Variants in FALEC observed in about 807,000 individuals in gnomAD.
FALEC encodes focally amplified lncRNA regulator of ECM1, also known as focally amplified lncRNA on chromosome 1.
At chr1:150,524,951 C>T in the FALEC span, among the ~76,000 whole-genome samples, 1 of 145,854 alleles carries the variant, frequency 6.9e-6, no homozygotes, top group Admixed American at 7.0e-5. Context: ...GCCATGATCA[C>T]ACCACTGCAC....
chr1:150,519,448 C>T (rs187134362), downstream of FALEC, among the ~76,000 whole-genome samples: 9 of 152,222 alleles, frequency 5.9e-5, no homozygotes, highest in East Asian at 1.9e-4. Context: ...AATGTAAGGG[C>T]GGTGGCTCAT....
the FALEC span, among the ~76,000 whole-genome samples, chr1:150,527,232 C>T: frequency 1.8e-4 from 27 of 151,704 alleles, no homozygotes; most frequent in South Asian, 2.7e-3. Flanking sequence ...TGAGCCACCA[C>T]GCCTGGCCTA....
chr1:150,522,927 ATATATATGTGTG>A (rs1454679033), downstream of FALEC, among the ~76,000 whole-genome samples: 1 of 14,714 alleles, frequency 6.8e-5, no homozygotes, highest in Non-Finnish European at 1.1e-4. Flanking sequence ...ATATATATAC[ATATATATGTGTG>A]TGTGTGTGTG....
At chr1:150,522,953 A>G (rs1284321277), downstream of FALEC, among the ~76,000 whole-genome samples, 2,682 of 21,622 alleles carry the variant, frequency 0.12, 296 homozygotes, top group Non-Finnish European at 0.18. Context: ...GTGTGTGTAT[A>G]TATATATATA....
At chr1:150,520,948 C>A (rs1355361754), downstream of FALEC, among the ~76,000 whole-genome samples, 3 of 151,848 alleles carry the variant, frequency 2.0e-5, no homozygotes, top group East Asian at 5.8e-4. Context: ...ATTACAGGCG[C>A]CTGCCAATAC....
At chr1:150,529,629 G>T in the FALEC span, among the ~76,000 whole-genome samples, 1 of 150,302 alleles carries the variant, frequency 6.7e-6, no homozygotes, top group Non-Finnish European at 1.5e-5. Context: ...GTGGAGTCTC[G>T]CTCTGTCACC....
chr1:150,529,016 C>CAAAAAAAAAAAA, the FALEC span, among the ~76,000 whole-genome samples: 318 of 59,184 alleles, frequency 5.4e-3, 9 homozygotes, highest in African/African-American at 7.8e-3. Flanking sequence ...AAATAAATAG[C>CAAAAAAAAAAAA]AAAAAAAAAA....
chr1:150,519,360 A>C (rs181277580), downstream of FALEC, among the ~76,000 whole-genome samples: 43 of 152,332 alleles, frequency 2.8e-4, no homozygotes, highest in Non-Finnish European at 4.3e-4. Flanking sequence ...GCATACCATT[A>C]ATTCACCCAT....
downstream of FALEC, among the ~76,000 whole-genome samples, chr1:150,518,226 C>T (rs375179353): frequency 6.6e-6 from 1 of 152,132 alleles, no homozygotes; most frequent in Non-Finnish European, 1.5e-5. Flanking sequence ...CCTCTTTACC[C>T]TCCAACTATT....
downstream of FALEC, among the ~76,000 whole-genome samples, chr1:150,523,001 T>TC (rs1670676710): frequency 9.3e-6 from 1 of 108,028 alleles, no homozygotes; most frequent in African/African-American, 3.7e-5. Context: ...TTTTTTTTTT[T>TC]GAGACAGAGT....
chr1:150,523,343 C>A, the FALEC span, among the ~76,000 whole-genome samples: 2 of 150,662 alleles, frequency 1.3e-5, no homozygotes, highest in African/African-American at 4.9e-5. Flanking sequence ...TTTAATGTTA[C>A]TAAAATTTTT....
the FALEC span, among the ~76,000 whole-genome samples, chr1:150,525,299 C>A: frequency 1.3e-5 from 2 of 151,878 alleles, no homozygotes; most frequent in East Asian, 3.9e-4. Context: ...AAACAAAAAA[C>A]AAAAAAACCC....
downstream of FALEC, among the ~76,000 whole-genome samples, chr1:150,519,943 G>A (rs187528060): frequency 1.3e-5 from 2 of 150,444 alleles, no homozygotes; most frequent in Non-Finnish European, 3.0e-5. Flanking sequence ...ACCTGAGGTC[G>A]GGAGTTCGAG....
chr1:150,530,368 A>AT, the FALEC span, among the ~76,000 whole-genome samples: 14 of 152,116 alleles, frequency 9.2e-5, no homozygotes, highest in Non-Finnish European at 1.5e-4. Flanking sequence ...GTTACAGACA[A>AT]TTTTTTTGCT....
the FALEC span, among the ~76,000 whole-genome samples, chr1:150,533,890 G>A: frequency 6.6e-6 from 1 of 152,228 alleles, no homozygotes; most frequent in Non-Finnish European, 1.5e-5. Flanking sequence ...ATGTTCAGAT[G>A]TGGCCTTGGA....
At chr1:150,532,928 C>G in the FALEC span, among the ~76,000 whole-genome samples, 1 of 152,152 alleles carries the variant, frequency 6.6e-6, no homozygotes, top group Non-Finnish European at 1.5e-5. Context: ...ACCCTAGCAG[C>G]CAGGAGCCAG....
the FALEC span, among the ~76,000 whole-genome samples, chr1:150,532,735 C>T: frequency 6.6e-6 from 1 of 151,524 alleles, no homozygotes; most frequent in Non-Finnish European, 1.5e-5. Context: ...TCGTGGAGCT[C>T]GCCCCCTAAC....
At chr1:150,518,424 G>T (rs1670598107), downstream of FALEC, among the ~76,000 whole-genome samples, 1 of 147,158 alleles carries the variant, frequency 6.8e-6, no homozygotes, top group Non-Finnish European at 1.5e-5. Context: ...CACTCTTGTT[G>T]CCCAGGCTGG....
downstream of FALEC, among the ~76,000 whole-genome samples, chr1:150,521,092 C>T (rs1459092929): frequency 1.3e-5 from 2 of 152,140 alleles, no homozygotes; most frequent in East Asian, 1.9e-4. Context: ...TGAGCCACCA[C>T]GCCCGGCCTC....
Sources: gnomAD v4.1 joint callset for allele counts (sites outside exome capture counted in the v4.1 genomes callset) on GRCh38, gnomAD v4.1.1 for gene constraint, MANE v1.5 for transcripts, NCBI Gene and HGNC (gene_info 2026-07-23, HGNC 2026-07-21) for gene names.